CEPT1: variants seen among roughly 807,000 people sequenced by gnomAD.
The protein encoded by CEPT1 is choline/ethanolaminephosphotransferase 1.
Under a neutral mutation model 42.6 loss-of-function variants are expected in CEPT1, and 7 were observed. The ratio of observed to expected loss-of-function variants is 0.16; its 90% confidence interval spans 0.09 to 0.31. The LOEUF is 0.31. Among genes scored for constraint, CEPT1 ranks in the 10% least tolerant of loss-of-function variants. The pLI is 1.00. For missense variants in CEPT1, 306 were observed against 502.1 expected (o/e 0.61, Z 3.73); for synonymous variants, 171 against 171.9 (o/e 0.99, Z 0.04).
chr1:111,149,279 T>TTTTTTTTTTTTTTTTC (rs1655139421), intron 2 of CEPT1, among the ~76,000 whole-genome samples: 1 of 151,536 alleles, frequency 6.6e-6, no homozygotes, highest in African/African-American at 2.4e-5. Context: ...TTTTTTTTTT[T>TTTTTTTTTTTTTTTTC]TGAGACAGGG....
chr1:111,146,218 A>C (rs750333877), intron 1 of CEPT1, among the ~76,000 whole-genome samples: 8 of 151,680 alleles, frequency 5.3e-5, no homozygotes, highest in Non-Finnish European at 1.2e-4. Context: ...TTTTAACCAG[A>C]CTTTAGCTTT....
chr1:111,145,831 C>T (rs1360809394), intron 1 of CEPT1, among the ~76,000 whole-genome samples: 1 of 152,210 alleles, frequency 6.6e-6, no homozygotes, highest in Non-Finnish European at 1.5e-5. Flanking sequence ...GCTGCCTCCC[C>T]TCCACCCCAG....
intron 1 of CEPT1, among the ~76,000 whole-genome samples, chr1:111,147,254 T>TCTGATA (rs1163349729): frequency 1.3e-5 from 2 of 152,244 alleles, no homozygotes; most frequent in Non-Finnish European, 1.5e-5. Flanking sequence ...AAGTCATTCC[T>TCTGATA]CTGATACTAA....
intron 4 of CEPT1, among the ~76,000 whole-genome samples, chr1:111,174,427 C>G (rs1656574142): frequency 6.6e-6 from 1 of 151,788 alleles, no homozygotes; most frequent in Non-Finnish European, 1.5e-5. Flanking sequence ...GTAAGTTTTA[C>G]AGAGTCTTAG....
intron 3 of CEPT1, chr1:111,160,212 G>A (rs1018292428): frequency 1.3e-5 from 2 of 152,108 alleles, no homozygotes; most frequent in African/African-American, 4.8e-5. Flanking sequence ...GCACTGTTTT[G>A]CAAGTTTTTA....
chr1:111,140,742 G>T (rs1043011440), intron 1 of CEPT1: 1 of 152,308 alleles, frequency 6.6e-6, no homozygotes, highest in Admixed American at 6.5e-5. Flanking sequence ...CACACCGTGT[G>T]GCATCCTCTG....
intron 1 of CEPT1, among the ~76,000 whole-genome samples, chr1:111,144,017 C>T (rs1654812143): frequency 6.6e-6 from 1 of 152,188 alleles, no homozygotes; most frequent in African/African-American, 2.4e-5. Context: ...GGCAATGAGC[C>T]ACTGTTCCCA....
At chr1:111,181,927 C>A in intron 5 of CEPT1, 1 of 243,448 alleles carries the variant, frequency 4.1e-6, no homozygotes, top group Non-Finnish European at 7.9e-6. Context: ...TAGCTTGTGA[C>A]ACAAGTTAAT....
At chr1:111,143,382 T>A (rs1306094303) in intron 1 of CEPT1, 1 of 152,272 alleles carries the variant, frequency 6.6e-6, no homozygotes, top group African/African-American at 2.4e-5. Flanking sequence ...CCCAGCTATT[T>A]TCTAGCTTAG....
chr1:111,165,198 G>A (rs1456162354), intron 4 of CEPT1, among the ~76,000 whole-genome samples: 11 of 151,072 alleles, frequency 7.3e-5, no homozygotes, highest in African/African-American at 1.9e-4. Context: ...ACAGGCACCC[G>A]CCACCATGCC....
In CEPT1 at chr1:111,150,372, T is replaced by C. The variant is rs542272381; in HGVS notation, c.339+2319T>C. On this transcript the variant is annotated intron_variant, in intron 2 of 8. Coordinates refer to ENST00000357172, the MANE Select transcript of CEPT1 (RefSeq NM_006090.5). ...TCATTGATCAAAAAGATTAGGTATA[T>C]AATCTATTCTTCCACAGCCCCCTTC... 3.3e-5 allele frequency among the ~76,000 whole-genome samples: 5 copies of C among 152,354 alleles called. No individual in the cohort carries two copies. The East Asian group carries it at 9.6e-4, about 29-fold the overall frequency.
At chr1:111,167,931 C>A in intron 4 of CEPT1, 1 of 449,324 alleles carries the variant, frequency 2.2e-6, no homozygotes, top group Non-Finnish European at 2.9e-6. Flanking sequence ...CTCATTTTGT[C>A]ACCCAGGCAG....
At position 111,169,874 on chromosome 1, in the gene CEPT1, C is replaced by CT. The variant is rs1656334831; in HGVS notation, c.630-5005_630-5004insT. On this transcript the variant is annotated intron_variant, in intron 4 of 8. Transcript: ENST00000357172. ...TTTAGCACTACAGAGGAAAAACACTCCGGTTTCTCTTCAAGGTTATTTTCT... is the reference window on the plus strand; with the variant it reads ...TTTAGCACTACAGAGGAAAAACACTCTCGGTTTCTCTTCAAGGTTATTTTCT... Among the ~76,000 whole-genome samples the CT allele has an allele frequency of 4.6e-5, 7 of 152,274 alleles. 1 individual carries two copies. The highest frequency in any genetic ancestry group is 1.7e-4 in the African/African-American group (7 of 41,570).
At chr1:111,166,623 C>A (rs1352937204) in intron 4 of CEPT1, among the ~76,000 whole-genome samples, 1 of 152,110 alleles carries the variant, frequency 6.6e-6, no homozygotes, top group East Asian at 1.9e-4. Flanking sequence ...TTTGAGATAG[C>A]AGAGGTAGGA....
intron 1 of CEPT1, among the ~76,000 whole-genome samples, chr1:111,144,099 C>G (rs1654817267): frequency 6.6e-6 from 1 of 152,164 alleles, no homozygotes; most frequent in African/African-American, 2.4e-5. Flanking sequence ...CCTTTCTCGC[C>G]ACATTGTCCT....
At chr1:111,176,724 T>C (rs1030436797) in intron 5 of CEPT1, among the ~76,000 whole-genome samples, 1 of 152,202 alleles carries the variant, frequency 6.6e-6, no homozygotes, top group Non-Finnish European at 1.5e-5. Context: ...ATACACCTTA[T>C]ACACATTGCC....
chr1:111,147,626 T>G lies in CEPT1; in HGVS notation c.-73-16T>G. 1 of 842,916 alleles carries G rather than the reference T, an allele frequency of 1.2e-6. No individual in the cohort carries two copies. The highest frequency in any genetic ancestry group is 1.8e-6 in the Non-Finnish European group (1 of 567,742). The allele number at this position is 842,916 out of a possible 1,614,324, so 52.2% of individuals were successfully genotyped here. A position where few individuals can be genotyped will look rare whatever the true frequency, so the allele number is the denominator to read the frequency against. On this transcript the variant is annotated splice_polypyrimidine_tract_variant and intron_variant, in intron 1 of 8. Coordinates refer to ENST00000357172, the MANE Select transcript of CEPT1 (RefSeq NM_006090.5). ...ACAAGTGTATTTTTTAATTTTTATT[T>G]TATTTTATTTTTTAGGTAAGCACCA...
chr1:111,165,973 G>T (rs116041326), intron 4 of CEPT1, among the ~76,000 whole-genome samples: 15 of 152,234 alleles, frequency 9.9e-5, no homozygotes, highest in Admixed American at 2.6e-4. Flanking sequence ...ACTTTCTATG[G>T]ATTCAGAATT....
intron 5 of CEPT1, chr1:111,179,144 C>T (rs576131849): frequency 6.6e-6 from 1 of 152,248 alleles, no homozygotes; most frequent in South Asian, 2.1e-4. Context: ...TATTAGTCTG[C>T]ATTAATACAA....
Sources: allele counts gnomAD v4.1 joint callset (sites outside exome capture counted in the v4.1 genomes callset), GRCh38; gene constraint gnomAD v4.1.1; transcripts MANE v1.5; gene names NCBI Gene and HGNC (gene_info 2026-07-23, HGNC 2026-07-21).